Variants in PTPN2 observed in about 807,000 individuals in gnomAD.
PTPN2 encodes the protein tyrosine-protein phosphatase non-receptor type 2.
PTPN2 carries 19 observed loss-of-function variants against 57.3 expected under a neutral mutation model. The ratio of observed to expected loss-of-function variants is 0.33; its 90% CI spans 0.23 to 0.49. PTPN2 has a LOEUF of 0.49. Ranked by LOEUF, PTPN2 falls within the 20% of genes least tolerant of loss-of-function variation. The pLI, the probability that PTPN2 is intolerant of heterozygous loss-of-function variation, is 0.99. For synonymous variants in PTPN2, 153 were observed against 164.9 expected (o/e 0.93, Z 0.55); for missense variants, 358 against 501.1 (o/e 0.71, Z 2.73).
At chr18:12,870,634 G>A (rs1409832779) in intron 1 of PTPN2, among the ~76,000 whole-genome samples, 2 of 144,314 alleles carry the variant, frequency 1.4e-5, no homozygotes, top group East Asian at 2.1e-4. Context: ...TCAGCCTCCC[G>A]AGCAGCTGGG....
chr18:12,785,912 C>T (rs763006926), intron 9 of PTPN2: 79 of 1,321,320 alleles, frequency 6.0e-5, no homozygotes, highest in Non-Finnish European at 7.8e-5. Flanking sequence ...AACATAGATG[C>T]ACACAAACAT....
At chr18:12,786,326 A>G (rs1475278741) in intron 9 of PTPN2, 1 of 153,194 alleles carries the variant, frequency 6.5e-6, no homozygotes, top group African/African-American at 2.4e-5. Context: ...ATGTTTGAAC[A>G]TAAAGTTGGC....
Position 12,884,059 on chromosome 18 carries a change from G to A in PTPN2, c.69+14C>T, listed in dbSNP as rs2044772323. On this transcript the variant is annotated intron_variant, in intron 1 of 8. Transcript: ENST00000309660. ...GGAGGAGGTCGGCGACTGCCGCGTG[G>A]GTCCGCGACTCACCAAGTACAGCGG... is the stretch of plus-strand genomic sequence containing the variant. 1 of 1,565,360 alleles carries A rather than the reference G, an allele frequency of 6.4e-7. No homozygotes were observed. Among genetic ancestry groups the A allele is most frequent in the Non-Finnish European group, 8.6e-7 (1 of 1,156,778 alleles).
At chr18:12,807,584 A>T (rs868248634) in intron 7 of PTPN2, among the ~76,000 whole-genome samples, 16,197 of 54,532 alleles carry the variant, frequency 0.3, 2,499 homozygotes, top group Non-Finnish European at 0.43. Context: ...AAAAAAAAAA[A>T]AAATATATAT....
chr18:12,883,745 G>A (rs1193847518), intron 1 of PTPN2: 3 of 232,608 alleles, frequency 1.3e-5, no homozygotes, highest in African/African-American at 6.8e-5. Context: ...CTTTCCCAAG[G>A]ACCCCCAGAC....
intron 2 of PTPN2, among the ~76,000 whole-genome samples, chr18:12,838,219 A>G (rs780189165): frequency 2.0e-4 from 30 of 152,232 alleles, no homozygotes; most frequent in Admixed American, 3.3e-4. Flanking sequence ...TCACAGAAAG[A>G]ACACTAACCA....
intron 2 of PTPN2, among the ~76,000 whole-genome samples, chr18:12,850,484 A>G (rs2043355475): frequency 1.3e-5 from 2 of 152,184 alleles, no homozygotes; most frequent in African/African-American, 2.4e-5. Flanking sequence ...GCAAGACTCC[A>G]TCTAAAAAAT....
intron 1 of PTPN2, among the ~76,000 whole-genome samples, chr18:12,860,985 T>C (rs1015951749): frequency 1.3e-5 from 2 of 152,182 alleles, no homozygotes; most frequent in African/African-American, 2.4e-5. Flanking sequence ...AGAAAAAGCA[T>C]TTTAAAAGTT....
chr18:12,845,182 CA>C (rs1164937178), intron 2 of PTPN2, among the ~76,000 whole-genome samples: 1 of 152,028 alleles, frequency 6.6e-6, no homozygotes, highest in African/African-American at 2.4e-5. Context: ...TTTTTATCTA[CA>C]AAAAAACTTC....
At chr18:12,812,945 G>GA (rs2041944528) in intron 7 of PTPN2, among the ~76,000 whole-genome samples, 2 of 150,582 alleles carry the variant, frequency 1.3e-5, no homozygotes, top group Middle Eastern at 3.4e-3. Flanking sequence ...AGTGTGTCCA[G>GA]AAAAACTCAT....
intron 6 of PTPN2, 93 bp downstream of exon 6, chr18:12,817,063 T>C: frequency 8.2e-7 from 1 of 1,222,570 alleles, no homozygotes; most frequent in Admixed American, 2.2e-5. Context: ...ACCTCAGTTC[T>C]GGGATACAGC....
chr18:12,816,646 G>A (rs568030709), intron 6 of PTPN2, among the ~76,000 whole-genome samples: 74 of 152,256 alleles, frequency 4.9e-4, no homozygotes, highest in South Asian at 4.2e-4. Context: ...GCCGTTGGGG[G>A]CACAGACAGG....
chr18:12,866,766 T>C (rs1464274752), intron 1 of PTPN2, among the ~76,000 whole-genome samples: 1 of 152,052 alleles, frequency 6.6e-6, no homozygotes, highest in Non-Finnish European at 1.5e-5. Context: ...CCCAGCACTT[T>C]GGGAGGCCGA....
At chr18:12,821,723 C>T (rs1344007595) in intron 5 of PTPN2, among the ~76,000 whole-genome samples, 1 of 152,146 alleles carries the variant, frequency 6.6e-6, no homozygotes, top group East Asian at 1.9e-4. Context: ...TCTGTTAGCA[C>T]GAACAAATCC....
chr18:12,827,673 TC>T (rs1427472661), intron 4 of PTPN2, among the ~76,000 whole-genome samples: 13 of 150,068 alleles, frequency 8.7e-5, no homozygotes, highest in African/African-American at 3.2e-4. Context: ...GTGTAAGCCC[TC>T]CAACCTGGCC....
intron 2 of PTPN2, among the ~76,000 whole-genome samples, chr18:12,842,778 T>G (rs2043085992): frequency 6.6e-6 from 1 of 152,218 alleles, no homozygotes; most frequent in Admixed American, 6.5e-5. Flanking sequence ...ACTTCCATTT[T>G]CTCAGCGGGC....
At chr18:12,858,598 C>T (rs1484056692) in intron 2 of PTPN2, among the ~76,000 whole-genome samples, 1 of 152,112 alleles carries the variant, frequency 6.6e-6, no homozygotes, top group Non-Finnish European at 1.5e-5. Context: ...AAGAAAAGAG[C>T]TACAAATGAG....
chr18:12,870,614 T>C (rs561965114), intron 1 of PTPN2, among the ~76,000 whole-genome samples: 2 of 142,664 alleles, frequency 1.4e-5, no homozygotes, highest in South Asian at 4.9e-4. Flanking sequence ...GTTTACACCA[T>C]TCTCCTGCCT....
chr18:12,856,335 C>T lies in PTPN2; in HGVS notation c.160+2829G>A, dbSNP rs563475955. 2.2e-4 allele frequency among the ~76,000 whole-genome samples: 34 copies of T among 152,228 alleles called. No individual in the cohort carries two copies. The South Asian group carries it at 5.8e-3, about 26-fold the overall frequency. On this transcript the variant is annotated intron_variant, in intron 2 of 8. Coordinates refer to ENST00000309660, the MANE Select transcript of PTPN2 (RefSeq NM_002828.4). ...CTCAGACTAGAAAATCCTGTGGCTA[C>T]GTGAGAAGCAAGAATGAGCAGTCTC...
Sources: allele counts gnomAD v4.1 joint callset (sites outside exome capture counted in the v4.1 genomes callset), GRCh38; gene constraint gnomAD v4.1.1; transcripts MANE v1.5; gene names NCBI Gene and HGNC (gene_info 2026-07-23, HGNC 2026-07-21).